The following NRXN1 variants were observed in gnomAD, a reference collection of about 807,000 sequenced individuals.
The protein encoded by NRXN1 is neurexin-1.
NRXN1 carries 39 observed loss-of-function variants against 150.9 expected under a neutral mutation model. The ratio of observed to expected loss-of-function variants is 0.26; its 90% CI spans 0.20 to 0.34. The LOEUF is 0.34. Among genes scored for constraint, NRXN1 ranks in the 10% least tolerant of loss-of-function variants. The pLI, the probability that NRXN1 is intolerant of heterozygous loss-of-function variation, is 1.00. For missense variants in NRXN1, 1,815 were observed against 1,949.9 expected, an observed-to-expected ratio of 0.93 and a Z score of 1.30; for synonymous variants, 924 against 757.0, an observed-to-expected ratio of 1.22 and a Z score of -3.62.
At chr2:50,957,603 T>C (rs1250096502) in intron 2 of NRXN1, among the ~76,000 whole-genome samples, 6 of 152,184 alleles carry the variant, frequency 3.9e-5, no homozygotes, top group Non-Finnish European at 8.8e-5. Flanking sequence ...AATCAATAAA[T>C]GATTCTGCGG....
chr2:50,663,022 T>A (rs541573862), intron 5 of NRXN1, among the ~76,000 whole-genome samples: 6 of 152,162 alleles, frequency 3.9e-5, no homozygotes, highest in Admixed American at 3.3e-4. Context: ...TTAGGATGCA[T>A]GGAGCACTAT....
intron 2 of NRXN1, among the ~76,000 whole-genome samples, chr2:50,928,143 T>C (rs1476499898): frequency 6.6e-6 from 1 of 151,946 alleles, no homozygotes; most frequent in Non-Finnish European, 1.5e-5. Flanking sequence ...ATCCAAGTCA[T>C]GTTTAATGTG....
At chr2:50,805,577 T>G (rs1667406866) in intron 5 of NRXN1, among the ~76,000 whole-genome samples, 1 of 151,864 alleles carries the variant, frequency 6.6e-6, no homozygotes, top group African/African-American at 2.4e-5. Context: ...GAGGCAGAGG[T>G]TGCAGTGAGC....
intron 17 of NRXN1, among the ~76,000 whole-genome samples, chr2:50,260,461 C>T (rs776167401): frequency 1.3e-5 from 2 of 151,698 alleles, no homozygotes; most frequent in Non-Finnish European, 2.9e-5. Flanking sequence ...TGGGTTAAGA[C>T]GGAGACTCAA....
At chr2:50,344,168 C>A (rs1412836282) in intron 17 of NRXN1, among the ~76,000 whole-genome samples, 2 of 152,174 alleles carry the variant, frequency 1.3e-5, no homozygotes, top group Non-Finnish European at 2.9e-5. Context: ...TAAGCCATCA[C>A]CCTGCCTGCC....
intron 2 of NRXN1, among the ~76,000 whole-genome samples, chr2:51,006,924 T>C (rs1259253664): frequency 6.6e-6 from 1 of 151,956 alleles, no homozygotes; most frequent in African/African-American, 2.4e-5. Flanking sequence ...ATCATTACTG[T>C]TCATCACTCT....
Position 50,022,674 on chromosome 2 carries a change from A to G in NRXN1, c.4128+30597T>C, listed in dbSNP as rs1250186588. The G allele has an allele frequency of 2.0e-5, 3 of 152,226 alleles. No homozygotes were observed. In the East Asian group the frequency reaches 5.8e-4, roughly 29 times the overall value. 9.4% of individuals were successfully genotyped at this position (152,226 alleles called of 1,614,324 possible). Reference sequence around the variant, plus strand: ...AATAGTATGTTTGATTTATTTCTTCATACTTTGGAACAGAATCAAGTTTGT... The same window carrying G: ...AATAGTATGTTTGATTTATTTCTTCGTACTTTGGAACAGAATCAAGTTTGT... On this transcript the variant is annotated intron_variant, in intron 21 of 22. Coordinates refer to ENST00000401669, the MANE Select transcript of NRXN1 (RefSeq NM_001330078.2).
chr2:50,613,711 G>T (rs1412122348), intron 8 of NRXN1, among the ~76,000 whole-genome samples: 1 of 152,120 alleles, frequency 6.6e-6, no homozygotes, highest in African/African-American at 2.4e-5. Flanking sequence ...GGCCCAGGTG[G>T]GTGGATCACA....
In NRXN1 at chr2:50,489,137, C is replaced by T. The variant is rs974533741; in HGVS notation, c.3070+6768G>A. Among the ~76,000 whole-genome samples the T allele has an allele frequency of 8.5e-5, 13 of 152,110 alleles. 1 individual carries two copies. Among genetic ancestry groups the T allele is most frequent in the South Asian group, 4.1e-4 (2 of 4,838 alleles). ...GAACTTTCCAGTAGCCCACACTTGG[C>T]GTGGAAAAGCTGAAGAAAGCTATTT... On this transcript the variant is annotated intron_variant, in intron 15 of 22. Coordinates refer to ENST00000401669, the MANE Select transcript of NRXN1 (RefSeq NM_001330078.2).
intron 17 of NRXN1, among the ~76,000 whole-genome samples, chr2:50,295,276 C>T (rs189535704): frequency 7.0e-4 from 106 of 152,188 alleles, no homozygotes; most frequent in Non-Finnish European, 1.3e-3. Flanking sequence ...TAAATTCAAC[C>T]TTTGATTATA....
chr2:50,925,151 T>A (rs1686670020), intron 3 of NRXN1, among the ~76,000 whole-genome samples: 1 of 151,874 alleles, frequency 6.6e-6, no homozygotes, highest in South Asian at 2.1e-4. Flanking sequence ...TCTTTTGTTA[T>A]GCCTTGTTCT....
At chr2:50,179,150 G>C (rs79776916) in intron 18 of NRXN1, among the ~76,000 whole-genome samples, 3,013 of 152,174 alleles carry the variant, frequency 0.02, 95 homozygotes, top group African/African-American at 0.07. Context: ...CATGTCCTAA[G>C]ATATTTTAAT....
intron 12 of NRXN1, 128 bp from the exon 13 acceptor site, chr2:50,506,745 G>C (rs1573309610): frequency 1.5e-5 from 14 of 925,446 alleles, no homozygotes; most frequent in Middle Eastern, 2.4e-4. Context: ...AAGAAAGGAA[G>C]AAAGAGAGAG....
intron 17 of NRXN1, among the ~76,000 whole-genome samples, chr2:50,333,506 G>T (rs920059674): frequency 2.6e-5 from 4 of 152,124 alleles, no homozygotes; most frequent in Admixed American, 6.5e-5. Context: ...GAAGGAGGAT[G>T]TGTGCCCACC....
At chr2:50,058,696 G>C (rs1444978162) in intron 19 of NRXN1, among the ~76,000 whole-genome samples, 3 of 152,138 alleles carry the variant, frequency 2.0e-5, no homozygotes, top group African/African-American at 7.2e-5. Context: ...AGTGGCAGGA[G>C]GGACCCAGTG....
intron 2 of NRXN1, among the ~76,000 whole-genome samples, chr2:50,933,004 T>C (rs965712897): frequency 1.1e-4 from 17 of 152,072 alleles, no homozygotes; most frequent in African/African-American, 3.9e-4. Flanking sequence ...TCCTCTTCTC[T>C]AGATTGTTAC....
intron 18 of NRXN1, among the ~76,000 whole-genome samples, chr2:50,210,452 T>G (rs1206569733): frequency 6.6e-6 from 1 of 151,802 alleles, no homozygotes; most frequent in Non-Finnish European, 1.5e-5. Context: ...AGAAGTGTTT[T>G]ATGAGTCATA....
At chr2:50,927,407 T>G (rs1023942522) in intron 2 of NRXN1, among the ~76,000 whole-genome samples, 2 of 152,022 alleles carry the variant, frequency 1.3e-5, no homozygotes, top group African/African-American at 4.8e-5. Context: ...TTTCCAGAGT[T>G]TATTTTTAAA....
intron 2 of NRXN1, among the ~76,000 whole-genome samples, chr2:50,944,338 T>C (rs1168489339): frequency 2.0e-5 from 3 of 152,192 alleles, no homozygotes; most frequent in Non-Finnish European, 4.4e-5. Flanking sequence ...CAACACAAAC[T>C]ACTCTCTAAT....
Sources: gnomAD v4.1 joint callset for allele counts (sites outside exome capture counted in the v4.1 genomes callset) on GRCh38, gnomAD v4.1.1 for gene constraint, MANE v1.5 for transcripts, NCBI Gene and HGNC (gene_info 2026-07-23, HGNC 2026-07-21) for gene names.